Variants in BAG3 observed in about 807,000 individuals in gnomAD.
BAG3 encodes BAG family molecular chaperone regulator 3.
In BAG3, 14 loss-of-function variants were observed where a neutral mutation model predicts 40.5. The ratio of observed to expected loss-of-function variants is 0.35; its 90% CI spans 0.23 to 0.54. The LOEUF (loss-of-function observed/expected upper bound fraction) is 0.54. BAG3 is among the 20% of genes least tolerant of loss of function. BAG3 has a pLI of 0.91. For missense variants in BAG3, 788 were observed against 758.6 expected (o/e 1.04, Z -0.46); for synonymous variants, 302 against 307.8 (o/e 0.98, Z 0.20).
chr10:119,663,459 G>A (rs915155620), intron 1 of BAG3, among the ~76,000 whole-genome samples: 7 of 151,982 alleles, frequency 4.6e-5, no homozygotes, highest in Non-Finnish European at 8.8e-5. Flanking sequence ...CCACCGCCAC[G>A]GCCAGCTAAT....
chr10:119,656,801 A>G (rs1441599134), intron 1 of BAG3: 1 of 152,136 alleles, frequency 6.6e-6, no homozygotes. Context: ...ATATATATAT[A>G]TATGTGCCAG....
Position 119,676,550 on chromosome 10 carries a change from C to T in BAG3, c.996C>T (p.Leu332=). The change falls in exon 4 of 4, where the codon CTC becomes CTT. Residue 332 remains leucine (L), a synonymous_variant. Coordinates refer to ENST00000369085, the MANE Select transcript of BAG3 (RefSeq NM_004281.4). ...ESKPGPVGPE[L]PPGHIPIQVI... is the part of the protein sequence containing the mutation. ...AGCCAGGCCCAGTTGGACCAGAACT[C>T]CCTCCTGGACACATCCCAATTCAAG... 4 of 1,614,062 alleles carry T rather than the reference C, an allele frequency of 2.5e-6. No individual in the cohort carries two copies. Among genetic ancestry groups the T allele is most frequent in the African/African-American group, 2.7e-5 (2 of 75,002 alleles).
At chr10:119,667,408 C>T (rs1472682638) in intron 1 of BAG3, among the ~76,000 whole-genome samples, 2 of 152,150 alleles carry the variant, frequency 1.3e-5, no homozygotes, top group African/African-American at 4.8e-5. Flanking sequence ...TAAAACCTCA[C>T]AACATTTCTC....
rs727505000 is a variant in BAG3, at chr10:119,676,976, C to T, written c.1422C>T (p.Ala474=). 51 of 1,614,004 alleles carry T rather than the reference C, an allele frequency of 3.2e-5. No individual in the cohort carries two copies. In the Middle Eastern group the frequency reaches 1.6e-3, roughly 52 times the overall value. ...ATTCAGTGGACCCCGAGGGACGAGC[C>T]GATGTGCGTCAGGCCAGGAGAGACG... ...ALDSVDPEGR[A]DVRQARRDGV... is the part of the protein sequence containing the mutation. The change falls in exon 4 of 4, where the codon GCC becomes GCT. Residue 474 remains alanine (A), a synonymous_variant. Transcript: ENST00000369085.
chr10:119,673,135 A>C (rs1045561268), intron 3 of BAG3, among the ~76,000 whole-genome samples: 91 of 152,282 alleles, frequency 6.0e-4, no homozygotes, highest in Middle Eastern at 3.4e-3. Flanking sequence ...ATGCCCGCAC[A>C]GTATAGGTTC....
rs541412767 is a variant in BAG3 at position 119,655,365 on chromosome 10, C to G, written c.180+3510C>G. Among the ~76,000 whole-genome samples the G allele has an allele frequency of 8.5e-5, 13 of 152,154 alleles. No individual in the cohort carries two copies. The South Asian group carries it at 2.5e-3, about 29-fold the overall frequency. On this transcript the variant is annotated intron_variant, in intron 1 of 3. Coordinates refer to ENST00000369085, the MANE Select transcript of BAG3 (RefSeq NM_004281.4). ...CCAGAGCCTTTTCTTTTTGTCTTGC[C>G]CATCTGGCAGAATCTCACCATAATC...
intron 1 of BAG3, among the ~76,000 whole-genome samples, chr10:119,661,736 C>T (rs560617039): frequency 1.3e-5 from 2 of 151,740 alleles, no homozygotes; most frequent in East Asian, 1.9e-4. Flanking sequence ...CTTGTCTTAC[C>T]AGGAGTCTTT....
chr10:119,670,024 G>A lies in BAG3; in HGVS notation c.354G>A (p.Gly118=). The change falls in exon 2 of 4, where the codon GGG becomes GGA. Residue 118 remains glycine (G), a synonymous_variant. Coordinates refer to ENST00000369085, the MANE Select transcript of BAG3 (RefSeq NM_004281.4). ...CTTTCCATGTCTATCCCCAGCCTGG[G>A]ATGCAGCGATTCCGAACTGAGGCGG... ...VHPFHVYPQP[G]MQRFRTEAAA... 2 of 1,614,220 alleles carry A rather than the reference G, an allele frequency of 1.2e-6. No homozygotes were observed. The highest frequency in any genetic ancestry group is 1.7e-6 in the Non-Finnish European group (2 of 1,180,030).
rs188954037 is a variant in BAG3 at position 119,655,270 on chromosome 10, G to A, written c.180+3415G>A. Among the ~76,000 whole-genome samples, 109 of 152,318 alleles carry A rather than the reference G, an allele frequency of 7.2e-4. 1 individual carries two copies. The highest frequency in any genetic ancestry group is 3.4e-3 in the Middle Eastern group (1 of 294). On this transcript the variant is annotated intron_variant, in intron 1 of 3. Transcript: ENST00000369085. The stretch of plus-strand genomic sequence containing the variant: ...CCGAGACAGCACCTTGCAAAGTCTG[G>A]CAGGGTGGCTGGCAGTGCGAGAGTG...
chr10:119,667,427 G>T (rs1001301625), intron 1 of BAG3, among the ~76,000 whole-genome samples: 1 of 152,202 alleles, frequency 6.6e-6, no homozygotes, highest in African/African-American at 2.4e-5. Flanking sequence ...TCCAGGGCAG[G>T]TGTTGGCTAG....
At position 119,676,610 on chromosome 10, in the gene BAG3, C is replaced by T. The variant is rs753304366; in HGVS notation, c.1056C>T (p.Ser352=). ...IRKEVDSKPV[S]QKPPPPSEKV... Reference sequence around the variant, plus strand: ...AAGAGGTGGATTCTAAACCTGTTTCCCAGAAGCCCCCACCTCCCTCTGAGA... The same window carrying T: ...AAGAGGTGGATTCTAAACCTGTTTCTCAGAAGCCCCCACCTCCCTCTGAGA... The change falls in exon 4 of 4, where the codon TCC becomes TCT. Residue 352 remains serine, a synonymous_variant. Transcript: ENST00000369085. The T allele has an allele frequency of 1.9e-6, 3 of 1,614,030 alleles. No individual in the cohort carries two copies. Among genetic ancestry groups the T allele is most frequent in the East Asian group, 2.2e-5 (1 of 44,894 alleles).
In BAG3 at chr10:119,655,757, C is replaced by A. The variant is rs116274250; in HGVS notation, c.180+3902C>A. ...TGGAGCCCAGCTCATCCAGGACTTT[C>A]ATTTTCCCCTCTGAAGAACAGCCTG... On this transcript the variant is annotated intron_variant, in intron 1 of 3. Coordinates refer to ENST00000369085, the MANE Select transcript of BAG3 (RefSeq NM_004281.4). 4.6e-3 allele frequency among the ~76,000 whole-genome samples: 694 copies of A among 152,254 alleles called. 8 individuals are homozygous for A. Among genetic ancestry groups the A allele is most frequent in the African/African-American group, 0.016 (654 of 41,542 alleles).
chr10:119,666,621 C>T (rs1259766794), intron 1 of BAG3, among the ~76,000 whole-genome samples: 1 of 28,616 alleles, frequency 3.5e-5, no homozygotes, highest in African/African-American at 1.3e-4. Flanking sequence ...GTGCTCAGCT[C>T]GTGGCTGGCT....
At position 119,672,888 on chromosome 10, in the gene BAG3, C is replaced by T. The variant is rs566490562; in HGVS notation, c.909+232C>T. On this transcript the variant is annotated intron_variant, in intron 3 of 3. Transcript: ENST00000369085. The surrounding 1 kb of genome is among the most constrained non-coding windows in gnomAD (Gnocchi z 4.8). ...TTGCTGGGCTGATCATTGTGCATTG[C>T]GGCTGACTTAGAGCAGACGAAACAG... 3.3e-5 allele frequency among the ~76,000 whole-genome samples: 5 copies of T among 152,246 alleles called. No individual in the cohort carries two copies. The highest frequency in any genetic ancestry group is 1.9e-4 in the East Asian group (1 of 5,174).
At chr10:119,654,447 C>T (rs931863433) in intron 1 of BAG3, among the ~76,000 whole-genome samples, 2 of 152,172 alleles carry the variant, frequency 1.3e-5, no homozygotes, top group Admixed American at 1.3e-4. Flanking sequence ...AAAGACTAGA[C>T]CTTTGTATTT....
chr10:119,651,543 T>A lies in BAG3; in HGVS notation c.-133T>A, dbSNP rs1194914335. 1.2e-6 allele frequency: 1 copy of A among 838,014 alleles called. No homozygotes were observed. The highest frequency in any genetic ancestry group is 1.8e-5 in the African/African-American group (1 of 54,904). The allele number at this position is 838,014 out of a possible 1,614,324, so 51.9% of individuals were successfully genotyped here. A position where few individuals can be genotyped will look rare whatever the true frequency, so the allele number is the denominator to read the frequency against. On this transcript the variant is annotated 5_prime_UTR_variant, in exon 1 of 4. Coordinates refer to ENST00000369085, the MANE Select transcript of BAG3 (RefSeq NM_004281.4). Reference sequence around the variant, plus strand: ...CCACGTCACCCCCGCCTTTAATTCATAAAGGTGCCCGGCGCCGGCTTCCCG... The same window carrying A: ...CCACGTCACCCCCGCCTTTAATTCAAAAAGGTGCCCGGCGCCGGCTTCCCG...
Position 119,651,573 on chromosome 10 carries a change from C to A in BAG3, c.-103C>A, listed in dbSNP as rs1361713371. 8.8e-7 allele frequency: 1 copy of A among 1,140,604 alleles called. No homozygotes were observed. The highest frequency in any genetic ancestry group is 1.1e-6 in the Non-Finnish European group (1 of 873,240). The allele number at this position is 1,140,604 out of a possible 1,614,324, so 70.7% of individuals were successfully genotyped here. On this transcript the variant is annotated 5_prime_UTR_variant, in exon 1 of 4. Coordinates refer to ENST00000369085, the MANE Select transcript of BAG3 (RefSeq NM_004281.4). ...GTGCCCGGCGCCGGCTTCCCGGACA[C>A]GTCGGCGGCGGAGAGGGGCCCACGG...
rs746527768 is a variant in BAG3, at chr10:119,651,826, G to T, written c.151G>T (p.Asp51Tyr). The stretch of plus-strand genomic sequence containing the variant: ...CAACAGCCGCACCACTACGTGGAAC[G>T]ACCCGCGCGTGCCCTCTGAGGGCCC... ...DHNSRTTTWN[D>Y]PRVPSEGPKE... The change falls in exon 1 of 4, where the codon GAC becomes TAC. Residue 51 changes from aspartate to tyrosine, a missense_variant. Asp to Tyr is a radical substitution (Grantham distance 160). Coordinates refer to ENST00000369085, the MANE Select transcript of BAG3 (RefSeq NM_004281.4). 4 of 1,591,064 alleles carry T rather than the reference G, an allele frequency of 2.5e-6. No homozygotes were observed. In the Admixed American group the frequency reaches 7.0e-5, roughly 28 times the overall value.
At chr10:119,670,921 C>T (rs1847140757) in intron 2 of BAG3, among the ~76,000 whole-genome samples, 1 of 152,174 alleles carries the variant, frequency 6.6e-6, no homozygotes, top group Non-Finnish European at 1.5e-5. Context: ...AGCGTTGTTC[C>T]TGGGCACAAA....
Sources: allele counts gnomAD v4.1 joint callset (sites outside exome capture counted in the v4.1 genomes callset), GRCh38; gene constraint gnomAD v4.1.1; non-coding constraint Gnocchi (gnomAD v3.1); transcripts MANE v1.5; gene names NCBI Gene and HGNC (gene_info 2026-07-23, HGNC 2026-07-21).